Variants in HAT1 observed in about 807,000 individuals in gnomAD.
HAT1 encodes the protein histone acetyltransferase type B catalytic subunit.
In HAT1, 20 loss-of-function variants were observed where a neutral mutation model predicts 56.6. The observed-to-expected ratio is 0.35, with a 90% CI of 0.25 to 0.51. HAT1 has a LOEUF of 0.51. Ranked by LOEUF, HAT1 falls within the 20% of genes least tolerant of loss-of-function variation. The pLI is 0.95. For missense variants in HAT1, 408 were observed against 504.3 expected, an observed-to-expected ratio of 0.81 and a Z score of 1.83; for synonymous variants, 146 against 165.5, an observed-to-expected ratio of 0.88 and a Z score of 0.91.
intron 4 of HAT1, among the ~76,000 whole-genome samples, chr2:171,953,626 T>TA (rs587686867): frequency 3.1e-4 from 26 of 84,606 alleles, no homozygotes; most frequent in African/African-American, 1.1e-3. Flanking sequence ...CCCTGTCTCT[T>TA]AAAAAAAAAA....
intron 8 of HAT1, among the ~76,000 whole-genome samples, chr2:171,967,527 G>A (rs1453769657): frequency 6.6e-6 from 1 of 151,890 alleles, no homozygotes; most frequent in Non-Finnish European, 1.5e-5. Flanking sequence ...AAGGAAAGAC[G>A]ACTTACTCGA....
At chr2:171,978,583 G>A (rs1316920536) in intron 9 of HAT1, among the ~76,000 whole-genome samples, 2 of 152,050 alleles carry the variant, frequency 1.3e-5, no homozygotes, top group Non-Finnish European at 2.9e-5. Context: ...CCTTCTCTCA[G>A]TTTTTCCTCT....
At position 171,922,480 on chromosome 2, in the gene HAT1, G is replaced by C. The variant is rs373338791; in HGVS notation, c.-21G>C. The C allele has an allele frequency of 7.6e-7, 1 of 1,318,636 alleles. No homozygotes were observed. The highest frequency in any genetic ancestry group is 2.8e-5 in the East Asian group (1 of 35,772). The allele number at this position is 1,318,636 out of a possible 1,614,324, so 81.7% of individuals were successfully genotyped here. On this transcript the variant is annotated 5_prime_UTR_variant, in exon 1 of 11. Transcript: ENST00000264108. Reference sequence around the variant, plus strand: ...CGGGTTGATTCGTCCTTCCTCAGCCGCGGGTGATCGTAGCTCGGAAATGGC... The same window carrying C: ...CGGGTTGATTCGTCCTTCCTCAGCCCCGGGTGATCGTAGCTCGGAAATGGC...
At chr2:171,928,784 A>G (rs1195639129) in intron 2 of HAT1, among the ~76,000 whole-genome samples, 1 of 152,228 alleles carries the variant, frequency 6.6e-6, no homozygotes, top group Non-Finnish European at 1.5e-5. Flanking sequence ...CTGGGATTAC[A>G]GGCGTGAGCC....
At chr2:171,961,013 G>A (rs779903821) in intron 4 of HAT1, among the ~76,000 whole-genome samples, 2 of 152,116 alleles carry the variant, frequency 1.3e-5, no homozygotes, top group South Asian at 2.1e-4. Flanking sequence ...GTTGTGGTGC[G>A]TGCTTGTGGT....
At chr2:171,931,444 C>T (rs954509061) in intron 2 of HAT1, among the ~76,000 whole-genome samples, 7 of 152,060 alleles carry the variant, frequency 4.6e-5, no homozygotes, top group African/African-American at 1.4e-4. Context: ...AATACCAGCA[C>T]TTTGGGAGGC....
At position 171,966,434 on chromosome 2, in the gene HAT1, G is replaced by A. The variant is rs1413028402; in HGVS notation, c.637G>A (p.Ala213Thr). 1.3e-6 allele frequency: 2 copies of A among 1,591,160 alleles called. No homozygotes were observed. The highest frequency in any genetic ancestry group is 1.1e-5 in the South Asian group (1 of 90,678). Residue 213 changes from alanine to threonine, a missense_variant, in exon 7 of 11, where the codon GCT (alanine) becomes ACT (threonine). Coordinates refer to ENST00000264108, the MANE Select transcript of HAT1 (RefSeq NM_003642.4). ...ATTTGAGAAGTATAATAAGGATGGA[G>A]CTACGCTCTTTGCGACCGTAGGCTA... ...LVFEKYNKDG[A>T]TLFATVGYMT...
At chr2:171,974,196 AAAAAGAAAAAGAAAAAAAAAAAAAGAAAT>A (rs1687900516) in intron 8 of HAT1, among the ~76,000 whole-genome samples, 3 of 81,330 alleles carry the variant, frequency 3.7e-5, no homozygotes, top group Middle Eastern at 7.8e-3. Context: ...AAAAAAAGAA[AAAAAGAAAAAGAAAAAAAAAAAAAGAAAT>A]ATCTCCATTT....
intron 2 of HAT1, among the ~76,000 whole-genome samples, chr2:171,929,281 T>A (rs184757464): frequency 3.9e-5 from 6 of 152,314 alleles, no homozygotes; most frequent in Middle Eastern, 3.4e-3. Flanking sequence ...ACTCATGTAT[T>A]CACATCTTTT....
chr2:171,966,367 G>A (rs772948043), intron 6 of HAT1, 42 bp from the exon 7 acceptor site: 34 of 971,396 alleles, frequency 3.5e-5, no homozygotes, highest in East Asian at 1.7e-4. Context: ...GCATGGGAGC[G>A]CGACTGTAAT....
At chr2:171,943,392 CAG>C (rs1240946557) in intron 2 of HAT1, among the ~76,000 whole-genome samples, 14 of 101,476 alleles carry the variant, frequency 1.4e-4, no homozygotes, top group Non-Finnish European at 2.3e-4. Context: ...GCCTGGGCGA[CAG>C]AGAGAGACTC....
rs17581481 is a variant in HAT1 at position 171,959,727 on chromosome 2, A to C, written c.310-5611A>C. On this transcript the variant is annotated intron_variant, in intron 4 of 10. Coordinates refer to ENST00000264108, the MANE Select transcript of HAT1 (RefSeq NM_003642.4). ...TAGTGCCTTCTGTGTTGTTGATGCC[A>C]GCGATACAGTGGCAGACAAAGTCAT... Among the ~76,000 whole-genome samples, 5,201 of 152,284 alleles carry C rather than the reference A, an allele frequency of 0.034. 828 individuals carry two copies. In the East Asian group the frequency reaches 0.54, roughly 16 times the overall value.
intron 4 of HAT1, among the ~76,000 whole-genome samples, chr2:171,959,245 G>T (rs894482319): frequency 1.3e-5 from 2 of 152,108 alleles, no homozygotes; most frequent in Admixed American, 1.3e-4. Context: ...TATGTAGATT[G>T]CTAAATTCTC....
chr2:171,959,730 G>A (rs1687530948), intron 4 of HAT1, among the ~76,000 whole-genome samples: 2 of 152,246 alleles, frequency 1.3e-5, no homozygotes, highest in South Asian at 2.1e-4. Flanking sequence ...TGATGCCAGC[G>A]ATACAGTGGC....
chr2:171,946,654 C>T (rs1687171876), intron 2 of HAT1, 54 bp from the exon 3 acceptor site: 5 of 1,013,404 alleles, frequency 4.9e-6, no homozygotes, highest in Non-Finnish European at 7.8e-6. Context: ...TACCTGTCAC[C>T]TTCAATATCT....
intron 2 of HAT1, among the ~76,000 whole-genome samples, chr2:171,943,410 C>CAG (rs1687077432): frequency 5.1e-5 from 3 of 58,678 alleles, no homozygotes; most frequent in African/African-American, 1.8e-4. Flanking sequence ...GACTCTGTCT[C>CAG]AAAAAAAAAA....
intron 3 of HAT1, among the ~76,000 whole-genome samples, chr2:171,951,088 G>A (rs917011433): frequency 2.0e-5 from 3 of 152,246 alleles, no homozygotes; most frequent in Non-Finnish European, 4.4e-5. Context: ...TGGGATTACA[G>A]GCGTGAGCCA....
chr2:171,962,202 A>G (rs1687591942), intron 4 of HAT1, among the ~76,000 whole-genome samples: 1 of 152,224 alleles, frequency 6.6e-6, no homozygotes, highest in African/African-American at 2.4e-5. Flanking sequence ...GTTCATGTGT[A>G]ATAAAGTACA....
rs550185347 is a variant in HAT1, at chr2:171,949,489, C to T, written c.188+2706C>T. Among the ~76,000 whole-genome samples the T allele has an allele frequency of 9.9e-5, 15 of 152,168 alleles. No homozygotes were observed. The South Asian group carries it at 2.9e-3, about 29-fold the overall frequency. ...GCCAGGAGTTTGCGACCAGCCTGGG[C>T]AACATGGTGAAACCACGTCTCTACT... On this transcript the variant is annotated intron_variant, in intron 3 of 10. Coordinates refer to ENST00000264108, the MANE Select transcript of HAT1 (RefSeq NM_003642.4).
Sources: allele counts gnomAD v4.1 joint callset (sites outside exome capture counted in the v4.1 genomes callset), GRCh38; gene constraint gnomAD v4.1.1; transcripts MANE v1.5; gene names NCBI Gene and HGNC (gene_info 2026-07-23, HGNC 2026-07-21).